GPR174: variants seen among roughly 807,000 people sequenced by gnomAD.
GPR174 encodes the protein probable G protein-coupled receptor 174.
A neutral mutation model predicts 16.5 loss-of-function variants in GPR174; 8 were observed. That is an observed-to-expected ratio of 0.48 (90% confidence interval 0.28 to 0.87). The LOEUF (loss-of-function observed/expected upper bound fraction) is 0.87. Ranked by LOEUF, GPR174 falls within the 40% of genes least tolerant of loss-of-function variation. The pLI is 0.09. For missense variants in GPR174, 214 were observed against 247.5 expected, an observed-to-expected ratio of 0.86 and a Z score of 0.91; for synonymous variants, 111 against 94.8, an observed-to-expected ratio of 1.17 and a Z score of -0.99.
In GPR174 at chrX:79,172,768, C is replaced by T. The variant is rs1462528708; in HGVS notation, c.*759C>T. On this transcript the variant is annotated 3_prime_UTR_variant, in exon 3 of 3. Transcript: ENST00000645147. ...GTTTGTCAAAGTCCATACAAGGTGA[C>T]TCAATTGGGCTCTAGGCCTAGGAGA... 1 of 111,642 alleles carries T rather than the reference C, an allele frequency of 9.0e-6. No individual in the cohort carries two copies. The highest frequency in any genetic ancestry group is 3.3e-5 in the African/African-American group (1 of 30,654). The allele number at this position is 111,642 out of a possible 1,213,427, so 9.2% of individuals were successfully genotyped here.
Position 79,144,994 on chromosome X carries a change from CTCTCTCTCTCTCTTTCTTTCTT to C in GPR174, c.-873_-852del, listed in dbSNP as rs1158936547. 8.2e-5 allele frequency: 3 copies of C among 36,716 alleles called. No homozygotes were observed. The highest frequency in any genetic ancestry group is 1.6e-4 in the Non-Finnish European group (3 of 18,840). 3.0% of individuals were successfully genotyped at this position (36,716 alleles called of 1,213,427 possible). On this transcript the variant is annotated 5_prime_UTR_variant, in exon 1 of 3. Transcript: ENST00000645147. ...TTTCTTTCTTTTTCTTTCTTTCTTT[CTCTCTCTCTCTCTTTCTTTCTT>C]TCTTTCTTTCTTTCTTTCTTTCTTT...
chrX:79,171,713 G>A lies in GPR174; in HGVS notation c.706G>A (p.Ala236Thr), dbSNP rs375231404. The change falls in exon 3 of 3, where the codon GCA becomes ACA. Residue 236 changes from alanine to threonine, a missense_variant. Ala to Thr is a moderately conservative substitution (Grantham distance 58, BLOSUM62 0). Coordinates refer to ENST00000645147, the MANE Select transcript of GPR174 (RefSeq NM_032553.3). The part of the protein sequence containing the change: ...QKALKMILTC[A>T]GVFLICFAPY... ...AGCCTTGAAGATGATTCTAACCTGT[G>A]CAGGGGTATTCCTAATTTGCTTTGC... 9.1e-6 allele frequency: 11 copies of A among 1,209,448 alleles called. 1 individual carries two copies. The African/African-American group carries it at 1.9e-4, about 21-fold the overall frequency.
intron 2 of GPR174, among the ~76,000 whole-genome samples, chrX:79,168,539 A>T (rs762469939): frequency 2.6e-4 from 27 of 105,261 alleles, no homozygotes; most frequent in East Asian, 9.0e-4. Context: ...ATCTCTACAA[A>T]TTTTTTTTTT....
intron 1 of GPR174, among the ~76,000 whole-genome samples, chrX:79,155,714 T>C (rs1219684190): frequency 9.0e-6 from 1 of 111,595 alleles, no homozygotes; most frequent in East Asian, 2.8e-4. Flanking sequence ...AAACAACTGG[T>C]TCAAGATTAC....
At chrX:79,152,870 G>A (rs1921012001) in intron 1 of GPR174, among the ~76,000 whole-genome samples, 1 of 111,918 alleles carries the variant, frequency 8.9e-6, no homozygotes, top group South Asian at 3.7e-4. Flanking sequence ...TTTTACCAGA[G>A]CTCCTCTGTA....
chrX:79,151,717 T>G (rs969211908), intron 1 of GPR174, among the ~76,000 whole-genome samples: 2 of 111,681 alleles, frequency 1.8e-5, no homozygotes, highest in African/African-American at 6.5e-5. Context: ...TGAATAAAAT[T>G]GAGAATTGTA....
chrX:79,157,880 A>G (rs1210346831), intron 2 of GPR174, among the ~76,000 whole-genome samples: 1 of 109,819 alleles, frequency 9.1e-6, no homozygotes, highest in African/African-American at 3.3e-5. Context: ...CATGAACAAA[A>G]TGACTGTACA....
At position 79,174,952 on chromosome X, in the gene GPR174, A is replaced by G. The variant is rs1368409552; in HGVS notation, c.*2943A>G. On this transcript the variant is annotated 3_prime_UTR_variant, in exon 3 of 3. Coordinates refer to ENST00000645147, the MANE Select transcript of GPR174 (RefSeq NM_032553.3). Reference sequence around the variant, plus strand: ...CACATTTCCTATATAAAGTTGTTGAATTTTGATTCAAAAATGCGTAAGTAT... The same window carrying G: ...CACATTTCCTATATAAAGTTGTTGAGTTTTGATTCAAAAATGCGTAAGTAT... 8.9e-6 allele frequency: 1 copy of G among 112,273 alleles called. No individual in the cohort carries two copies. The highest frequency in any genetic ancestry group is 1.9e-5 in the Non-Finnish European group (1 of 53,245). 9.3% of individuals were successfully genotyped at this position (112,273 alleles called of 1,213,427 possible).
At position 79,172,176 on chromosome X, in the gene GPR174, T is replaced by C. The variant is rs762790974; in HGVS notation, c.*167T>C. The C allele has an allele frequency of 2.2e-6, 1 of 464,287 alleles. No individual in the cohort carries two copies. The highest frequency in any genetic ancestry group is 5.2e-5 in the South Asian group (1 of 19,369). 38.3% of individuals were successfully genotyped at this position (464,287 alleles called of 1,213,427 possible). Reference sequence around the variant, plus strand: ...TCAAAGCAGGACCTATTTGGAGCATTACGATCCACGATTATTGATGTTGAC... The same window carrying C: ...TCAAAGCAGGACCTATTTGGAGCATCACGATCCACGATTATTGATGTTGAC... On this transcript the variant is annotated 3_prime_UTR_variant, in exon 3 of 3. Transcript: ENST00000645147.
intron 2 of GPR174, among the ~76,000 whole-genome samples, chrX:79,170,221 A>G (rs1921474292): frequency 9.0e-6 from 1 of 111,505 alleles, no homozygotes; most frequent in Non-Finnish European, 1.9e-5. Context: ...ACAAGCTCCC[A>G]AGCGTCATTC....
chrX:79,158,276 C>A (rs754613070), intron 2 of GPR174, among the ~76,000 whole-genome samples: 7 of 106,468 alleles, frequency 6.6e-5, no homozygotes, highest in Non-Finnish European at 1.2e-4. Context: ...CACTTGAGCC[C>A]TTTCCCCTGA....
chrX:79,172,123 A>G lies in GPR174; in HGVS notation c.*114A>G. ...CAACACAGCTTTTCAGTTCTGCTCT[A>G]TCTTACTGCTATGGGGAATTCACTT... On this transcript the variant is annotated 3_prime_UTR_variant, in exon 3 of 3. Coordinates refer to ENST00000645147, the MANE Select transcript of GPR174 (RefSeq NM_032553.3). 1 of 743,491 alleles carries G rather than the reference A, an allele frequency of 1.3e-6. No individual in the cohort carries two copies. The allele number at this position is 743,491 out of a possible 1,213,427, so 61.3% of individuals were successfully genotyped here.
intron 2 of GPR174, among the ~76,000 whole-genome samples, chrX:79,159,714 C>A (rs1921188616): frequency 9.0e-6 from 1 of 111,537 alleles, no homozygotes; most frequent in African/African-American, 3.3e-5. Flanking sequence ...TATTATTTAT[C>A]AAAAATTTGG....
chrX:79,158,663 C>G (rs764254042), intron 2 of GPR174, among the ~76,000 whole-genome samples: 171 of 106,163 alleles, frequency 1.6e-3, no homozygotes, highest in African/African-American at 5.5e-3. Flanking sequence ...AGGATGGTCT[C>G]GATCTCTTGA....
At chrX:79,169,784 G>A (rs1921463832) in intron 2 of GPR174, among the ~76,000 whole-genome samples, 1 of 111,696 alleles carries the variant, frequency 9.0e-6, no homozygotes, top group Non-Finnish European at 1.9e-5. Context: ...CTCTGCTCTG[G>A]TGCTACATCT....
chrX:79,171,426 C>G lies in GPR174; in HGVS notation c.419C>G (p.Ala140Gly), dbSNP rs778295467. The change falls in exon 3 of 3, where the codon GCT (alanine) becomes GGT (glycine). Residue 140 changes from alanine (A) to glycine (G), a missense_variant. Coordinates refer to ENST00000645147, the MANE Select transcript of GPR174 (RefSeq NM_032553.3). ...AAATATGACCTGTACATCAGCATTGCTGGCTGGCTGATCATCTGCCTTGCC... is the reference window on the plus strand; with the variant it reads ...AAATATGACCTGTACATCAGCATTGGTGGCTGGCTGATCATCTGCCTTGCC... ...KQKYDLYISI[A>G]GWLIICLACV... 14 of 1,209,852 alleles carry G rather than the reference C, an allele frequency of 1.2e-5. No homozygotes were observed. The Admixed American group carries it at 3.1e-4, about 26-fold the overall frequency.
intron 1 of GPR174, among the ~76,000 whole-genome samples, chrX:79,148,178 AC>A (rs2034889696): frequency 1.8e-5 from 2 of 111,552 alleles, no homozygotes; most frequent in African/African-American, 6.5e-5. Context: ...ACTTGTGCCC[AC>A]CGTGGGAGCC....
intron 2 of GPR174, among the ~76,000 whole-genome samples, chrX:79,168,895 C>A (rs1248129325): frequency 1.8e-5 from 2 of 111,244 alleles, no homozygotes; most frequent in Non-Finnish European, 3.8e-5. Flanking sequence ...CAAAATGATA[C>A]AGAAAGCCAT....
At position 79,165,580 on chromosome X, in the gene GPR174, C is replaced by T. The variant is rs755738827; in HGVS notation, c.-556-4872C>T. Among the ~76,000 whole-genome samples, 16 of 111,824 alleles carry T rather than the reference C, an allele frequency of 1.4e-4. No homozygotes were observed. In the South Asian group the frequency reaches 4.9e-3, roughly 34 times the overall value. ...CAAACCAAGTGGGAAAGAATATTTACCTTCCTTCTTCTTAAAATAAGGATT... is the reference window on the plus strand; with the variant it reads ...CAAACCAAGTGGGAAAGAATATTTATCTTCCTTCTTCTTAAAATAAGGATT... On this transcript the variant is annotated intron_variant, in intron 2 of 2. Transcript: ENST00000645147.
Sources: allele counts gnomAD v4.1 joint callset (sites outside exome capture counted in the v4.1 genomes callset), GRCh38; gene constraint gnomAD v4.1.1; transcripts MANE v1.5; gene names NCBI Gene and HGNC (gene_info 2026-07-23, HGNC 2026-07-21).